Variants in SC5D observed in about 807,000 individuals in gnomAD.
The protein encoded by SC5D is sterol-C5-desaturase.
A neutral mutation model predicts 23.9 loss-of-function variants in SC5D; 21 were observed. That is an observed-to-expected ratio of 0.88 (90% CI 0.62 to 1.26). The LOEUF (loss-of-function observed/expected upper bound fraction) is 1.26. Ranked by LOEUF, SC5D falls within the 50% of genes most tolerant of loss-of-function variation. The probability of loss-of-function intolerance (pLI) is 0.00; values close to 1 mark genes in which losing one functional copy is unlikely to be tolerated. For synonymous variants in SC5D, 113 were observed against 125.9 expected (o/e 0.90, Z 0.68); for missense variants, 309 against 364.8 (o/e 0.85, Z 1.25).
In SC5D at chr11:121,307,161, C is replaced by A; in HGVS notation, c.549C>A (p.Tyr183Ter). 1 of 1,613,934 alleles carries A rather than the reference C, an allele frequency of 6.2e-7. No homozygotes were observed. ...GFLQSLPYHI[Y>*]PFIFPLHKVV... ...TTCAGAGTCTACCTTACCATATATACCCTTTTATCTTTCCATTACACAAGG... is the reference window on the plus strand; with the variant it reads ...TTCAGAGTCTACCTTACCATATATAACCTTTTATCTTTCCATTACACAAGG... Residue 183 changes from tyrosine (Y) to a stop codon, truncating the protein, a stop_gained, in exon 5 of 5, where the codon TAC (tyrosine) becomes TAA (stop). Transcript: ENST00000264027. LOFTEE classifies it high-confidence loss of function.
At chr11:121,302,581 C>T (rs756700222) in intron 1 of SC5D, among the ~76,000 whole-genome samples, 40 of 152,108 alleles carry the variant, frequency 2.6e-4, no homozygotes, top group Admixed American at 2.3e-3. Context: ...TTCGGTTCAA[C>T]GGGCCATACT....
At chr11:121,304,913 C>A in intron 3 of SC5D, 1 of 209,370 alleles carries the variant, frequency 4.8e-6, no homozygotes, top group South Asian at 7.5e-5. Flanking sequence ...CTGTATACTT[C>A]ATTGTTTACA....
Position 121,309,205 on chromosome 11 carries a change from G to A in SC5D, c.*1693G>A, listed in dbSNP as rs991795849. On this transcript the variant is annotated 3_prime_UTR_variant, in exon 5 of 5. Coordinates refer to ENST00000264027, the MANE Select transcript of SC5D (RefSeq NM_006918.5). ...TCCACCTAGTCTTTCTGCGACCCAGGCTCCTTCCTCTTGGGGCTCTGCCTT... is the reference window on the plus strand; with the variant it reads ...TCCACCTAGTCTTTCTGCGACCCAGACTCCTTCCTCTTGGGGCTCTGCCTT... Among the ~76,000 whole-genome samples, 4 of 152,158 alleles carry A rather than the reference G, an allele frequency of 2.6e-5. No homozygotes were observed. The highest frequency in any genetic ancestry group is 1.9e-4 in the East Asian group (1 of 5,198).
chr11:121,303,479 T>G lies in SC5D; in HGVS notation c.104T>G (p.Leu35Arg), dbSNP rs1331473729. The G allele has an allele frequency of 6.2e-7, 1 of 1,614,040 alleles. No homozygotes were observed. The highest frequency in any genetic ancestry group is 1.3e-5 in the African/African-American group (1 of 75,038). ...ATCTTCCGACAAGCTATTAGTCTTCTGATTGTAACAAATGTTGGTGCTTAC... is the reference window on the plus strand; with the variant it reads ...ATCTTCCGACAAGCTATTAGTCTTCGGATTGTAACAAATGTTGGTGCTTAC... ...DDIFRQAISL[L>R]IVTNVGAYIL... Residue 35 changes from leucine (L) to arginine (R), a missense_variant, in exon 2 of 5, where the codon CTG becomes CGG. Transcript: ENST00000264027.
rs1947964380 is a variant in SC5D at position 121,306,395 on chromosome 11, A to T, written c.353A>T (p.Glu118Val). The T allele has an allele frequency of 6.5e-7, 1 of 1,534,922 alleles. No homozygotes were observed. The highest frequency in any genetic ancestry group is 2.3e-5 in the East Asian group (1 of 44,438). Residue 118 changes from glutamate (E) to valine (V), a missense_variant, in exon 4 of 5, where the codon GAA becomes GTA. Transcript: ENST00000264027. ...CCGTTTTCTTTTCTAGGATTGTTTG[A>T]ACTTGTCGTTAGTATAATATCTTTC... ...DLGEFPYGLF[E>V]LVVSIISFLF...
At chr11:121,301,203 T>C (rs2134265759) in intron 1 of SC5D, among the ~76,000 whole-genome samples, 1 of 152,048 alleles carries the variant, frequency 6.6e-6, no homozygotes, top group Middle Eastern at 3.4e-3. Context: ...AATCAGCTAC[T>C]ACAAATATAA....
chr11:121,293,491 G>A (rs1462117274), intron 1 of SC5D, among the ~76,000 whole-genome samples: 1 of 152,150 alleles, frequency 6.6e-6, no homozygotes, highest in Non-Finnish European at 1.5e-5. Context: ...GAGACTGAAA[G>A]GAAAAGGGAA....
Position 121,309,715 on chromosome 11 carries a change from A to G in SC5D, c.*2203A>G, listed in dbSNP as rs1393902591. On this transcript the variant is annotated 3_prime_UTR_variant, in exon 5 of 5. Coordinates refer to ENST00000264027, the MANE Select transcript of SC5D (RefSeq NM_006918.5). ...TGCCCCTGCCCTTTCACCCGTCTCAAATTCTGGTCTTTTAAAGCAGCGTTA... is the reference window on the plus strand; with the variant it reads ...TGCCCCTGCCCTTTCACCCGTCTCAGATTCTGGTCTTTTAAAGCAGCGTTA... Among the ~76,000 whole-genome samples, 4 of 152,172 alleles carry G rather than the reference A, an allele frequency of 2.6e-5. No individual in the cohort carries two copies. The highest frequency in any genetic ancestry group is 5.9e-5 in the Non-Finnish European group (4 of 68,024).
chr11:121,304,519 AAG>A, intron 3 of SC5D, 26 bp downstream of exon 3: 2 of 1,609,216 alleles, frequency 1.2e-6, no homozygotes, highest in Non-Finnish European at 1.7e-6. Flanking sequence ...GAGTGTCAGG[AAG>A]AGAGTAGTCT....
Position 121,307,716 on chromosome 11 carries a change from A to G in SC5D, c.*204A>G, listed in dbSNP as rs1947978392. ...CTGTGAACACCAGGACTTTAATCTT[A>G]TGCTTAAAATGCCAGATGTTGTTCG... On this transcript the variant is annotated 3_prime_UTR_variant, in exon 5 of 5. Transcript: ENST00000264027. 4.0e-6 allele frequency: 2 copies of G among 503,278 alleles called. No individual in the cohort carries two copies. The highest frequency in any genetic ancestry group is 5.6e-5 in the South Asian group (2 of 35,476). The allele number at this position is 503,278 out of a possible 1,614,324, so 31.2% of individuals were successfully genotyped here. A position where few individuals can be genotyped will look rare whatever the true frequency, so the allele number is the denominator to read the frequency against.
At chr11:121,301,944 G>C (rs545042867) in intron 1 of SC5D, among the ~76,000 whole-genome samples, 5 of 152,174 alleles carry the variant, frequency 3.3e-5, no homozygotes, top group African/African-American at 1.2e-4. Flanking sequence ...AACAAACACC[G>C]TAAGGATTCT....
chr11:121,306,637 C>A (rs761701678), intron 4 of SC5D, 151 bp downstream of exon 4: 2 of 697,458 alleles, frequency 2.9e-6, no homozygotes, highest in Non-Finnish European at 5.2e-6. Context: ...GCATTTTGTT[C>A]ATATTCTTCT....
At chr11:121,305,766 A>G (rs530410978) in intron 3 of SC5D, 6 of 152,894 alleles carry the variant, frequency 3.9e-5, no homozygotes, top group African/African-American at 1.4e-4. Context: ...AAAAAATTAT[A>G]TACTAGAGTA....
At chr11:121,303,285 T>G in intron 1 of SC5D, 81 bp from the exon 2 acceptor site, 407 of 1,020,706 alleles carry the variant, frequency 4.0e-4, no homozygotes, top group Non-Finnish European at 5.4e-4. Flanking sequence ...ATCAGGAACT[T>G]GAGATATAGT....
intron 4 of SC5D, 75 bp downstream of exon 4, chr11:121,306,561 A>G (rs1011162544): frequency 1.3e-6 from 1 of 772,988 alleles, no homozygotes; most frequent in Non-Finnish European, 2.3e-6. Context: ...TCTGTTCTCT[A>G]TTTCCAAGAA....
At chr11:121,294,825 A>G (rs1947878030) in intron 1 of SC5D, among the ~76,000 whole-genome samples, 1 of 152,254 alleles carries the variant, frequency 6.6e-6, no homozygotes, top group African/African-American at 2.4e-5. Flanking sequence ...GTAGGGCCAC[A>G]TGGCACTGTG....
chr11:121,294,383 G>T (rs891441), intron 1 of SC5D, among the ~76,000 whole-genome samples: 74,407 of 151,904 alleles, frequency 0.49, 19,037 homozygotes, highest in Non-Finnish European at 0.56. Context: ...TTTGCAACTA[G>T]ATTGTGTGTA....
rs1947990398 is a variant in SC5D, at chr11:121,309,177, C to T, written c.*1665C>T. 6.6e-6 allele frequency among the ~76,000 whole-genome samples: 1 copy of T among 152,180 alleles called. No homozygotes were observed. Among genetic ancestry groups the T allele is most frequent in the African/African-American group, 2.4e-5 (1 of 41,440 alleles). ...GTGGATGTTTGTGGTCAGTGGACAG[C>T]TTTCCACCTAGTCTTTCTGCGACCC... On this transcript the variant is annotated 3_prime_UTR_variant, in exon 5 of 5. Coordinates refer to ENST00000264027, the MANE Select transcript of SC5D (RefSeq NM_006918.5).
chr11:121,310,418 G>A lies in SC5D; in HGVS notation c.*2906G>A, dbSNP rs1429825794. ...TCTGGGATTAATGACTTAAAAAGAGGTGTGAGGCAGCTGTTCAGCCCTTCT... is the reference window on the plus strand; with the variant it reads ...TCTGGGATTAATGACTTAAAAAGAGATGTGAGGCAGCTGTTCAGCCCTTCT... On this transcript the variant is annotated 3_prime_UTR_variant, in exon 5 of 5. Coordinates refer to ENST00000264027, the MANE Select transcript of SC5D (RefSeq NM_006918.5). Among the ~76,000 whole-genome samples, 3 of 151,606 alleles carry A rather than the reference G, an allele frequency of 2.0e-5. No individual in the cohort carries two copies. The highest frequency in any genetic ancestry group is 6.6e-5 in the Admixed American group (1 of 15,228).
Sources: allele counts gnomAD v4.1 joint callset (sites outside exome capture counted in the v4.1 genomes callset), GRCh38; gene constraint gnomAD v4.1.1; transcripts MANE v1.5; gene names NCBI Gene and HGNC (gene_info 2026-07-23, HGNC 2026-07-21).